ATP4A: variants seen among roughly 807,000 people sequenced by gnomAD.
ATP4A encodes the protein ATPase H+/K+ transporting subunit alpha.
Under a neutral mutation model 112.1 loss-of-function variants are expected in ATP4A, and 73 were observed. The observed-to-expected ratio is 0.65, with a 90% CI of 0.54 to 0.79. The LOEUF is 0.79. ATP4A is among the 30% of genes least tolerant of loss of function. The pLI, the probability that ATP4A is intolerant of heterozygous loss-of-function variation, is 0.00. For missense variants in ATP4A, 1,081 were observed against 1,425.9 expected, an observed-to-expected ratio of 0.76 and a Z score of 3.90; for synonymous variants, 588 against 588.9, an observed-to-expected ratio of 1.00 and a Z score of 0.02.
In ATP4A at chr19:35,557,303, G is replaced by T. The variant is rs888118135; in HGVS notation, c.1694-215C>A. Among the ~76,000 whole-genome samples, 1 of 152,182 alleles carries T rather than the reference G, an allele frequency of 6.6e-6. No individual in the cohort carries two copies. Among genetic ancestry groups the T allele is most frequent in the African/African-American group, 2.4e-5 (1 of 41,434 alleles). On this transcript the variant is annotated intron_variant, in intron 11 of 21. Transcript: ENST00000262623. This position sits in a 1 kb window ranked among gnomAD's most constrained non-coding sequence, Gnocchi z 4.4. ...AGATGAGGAAACTGAGGCTCAGAGA[G>T]GGGACATTTCTTGCCAGAGGTCACA...
rs1658447113 is a variant in ATP4A, at chr19:35,555,554, C to T, written c.2043G>A (p.Leu681=). 6.3e-7 allele frequency: 1 copy of T among 1,590,330 alleles called. No homozygotes were observed. The highest frequency in any genetic ancestry group is 8.6e-7 in the Non-Finnish European group (1 of 1,163,410). ...ARACVINGMQ[L]KDMDPSELVE... ...CCAGTTCCGATGGGTCCATGTCCTT[C>T]AGCTGCATGCCATTGATCACACAGG... is the stretch of plus-strand genomic sequence containing the variant. Residue 681 remains leucine, a synonymous_variant, in exon 14 of 22, where the codon CTG becomes CTA. Coordinates refer to ENST00000262623, the MANE Select transcript of ATP4A (RefSeq NM_000704.3). This position sits in a 1 kb window ranked among gnomAD's most constrained non-coding sequence, Gnocchi z 6.6.
Position 35,550,128 on chromosome 19 carries a change from TGTACAG to T in ATP4A, c.*481_*486del, listed in dbSNP as rs1442355759. On this transcript the variant is annotated 3_prime_UTR_variant, in exon 22 of 22. Coordinates refer to ENST00000262623, the MANE Select transcript of ATP4A (RefSeq NM_000704.3). This position sits in a 1 kb window ranked among gnomAD's most constrained non-coding sequence, Gnocchi z 4.1. ...TGCAGCCCTGGATAAACAGCCCCCA[TGTACAG>T]GACTGTGGGAGATCACAAGCACTAA... The T allele has an allele frequency of 7.1e-5, 13 of 183,330 alleles. No individual in the cohort carries two copies. Among genetic ancestry groups the T allele is most frequent in the Non-Finnish European group, 1.5e-4 (13 of 85,986 alleles). The allele number at this position is 183,330 out of a possible 1,614,324, so 11.4% of individuals were successfully genotyped here. A position where few individuals can be genotyped will look rare whatever the true frequency, so the allele number is the denominator to read the frequency against.
Position 35,563,516 on chromosome 19 carries a change from C to G in ATP4A, c.24G>C (p.Glu8Asp). The change falls in exon 2 of 22, where the codon GAG (glutamate) becomes GAC (aspartate). Residue 8 changes from glutamate (E) to aspartate (D), a missense_variant. Coordinates refer to ENST00000262623, the MANE Select transcript of ATP4A (RefSeq NM_000704.3). MGKAENYELYSVELGPGP... is the reference protein window; with the variant it reads MGKAENYDLYSVELGPGP... ...CAGGACCCAGCTCCACCGAGTAGAG[C>G]TCATAGTTCTCCTGGGAATGGACAG... 1 of 1,614,060 alleles carries G rather than the reference C, an allele frequency of 6.2e-7. No homozygotes were observed. Among genetic ancestry groups the G allele is most frequent in the African/African-American group, 1.3e-5 (1 of 74,988 alleles).
chr19:35,555,709 C>T lies in ATP4A; in HGVS notation c.1973G>A (p.Arg658His), dbSNP rs898108443. Residue 658 changes from arginine to histidine, a missense_variant, in exon 13 of 22, where the codon CGC (arginine) becomes CAC (histidine). Physicochemically the swap from Arg to His is conservative, Grantham distance 29 (BLOSUM62 0). Coordinates refer to ENST00000262623, the MANE Select transcript of ATP4A (RefSeq NM_000704.3). The surrounding 1 kb of genome is among the most constrained non-coding windows in gnomAD (Gnocchi z 6.6). ...AACCTGGTCTACGGGCACACGGAGGCGGGCAGCGATGTCCTCCACTGTCTC... is the reference window on the plus strand; with the variant it reads ...AACCTGGTCTACGGGCACACGGAGGTGGGCAGCGATGTCCTCCACTGTCTC... ...GSETVEDIAARLRVPVDQVNR... is the reference protein window; with the variant it reads ...GSETVEDIAAHLRVPVDQVNR... The T allele has an allele frequency of 2.7e-5, 43 of 1,609,752 alleles. No homozygotes were observed. Among genetic ancestry groups the T allele is most frequent in the South Asian group, 3.3e-5 (3 of 90,988 alleles).
Position 35,562,479 on chromosome 19 carries a change from AG to A in ATP4A, c.375del (p.Phe126LeufsTer79). The A allele has an allele frequency of 1.9e-6, 3 of 1,614,098 alleles. No individual in the cohort carries two copies. The highest frequency in any genetic ancestry group is 2.5e-6 in the Non-Finnish European group (3 of 1,180,006). On this transcript the variant is annotated frameshift_variant, in exon 4 of 22. Coordinates refer to ENST00000262623, the MANE Select transcript of ATP4A (RefSeq NM_000704.3). LOFTEE classifies it high-confidence loss of function. ...MWVAAAICLIAFAIQASEGDL... is the reference protein window; with the variant it reads ...MWVAAAICLIXFAIQASEGDL... Reference sequence around the variant, plus strand: ...TCCCCCTCACTAGCCTGGATGGCAAAGGCGATGAGGCAGATGGCGGCGGCAA... The same window carrying A: ...TCCCCCTCACTAGCCTGGATGGCAAAGCGATGAGGCAGATGGCGGCGGCAA...
In ATP4A at chr19:35,555,145, TC is replaced by T. The variant is rs779298671; in HGVS notation, c.2326+20del. ...CCTCCTGTGCCCACACTGCCTGCCC[TC>T]CCCCTGGCGTGGCTCGGACCCTGCT... On this transcript the variant is annotated intron_variant, in intron 15 of 21. Transcript: ENST00000262623. This position sits in a 1 kb window ranked among gnomAD's most constrained non-coding sequence, Gnocchi z 6.6. 2 of 1,613,838 alleles carry T rather than the reference TC, an allele frequency of 1.2e-6. No individual in the cohort carries two copies. Among genetic ancestry groups the T allele is most frequent in the South Asian group, 1.1e-5 (1 of 91,058 alleles).
intron 4 of ATP4A, among the ~76,000 whole-genome samples, chr19:35,562,215 C>T (rs2071674973): frequency 6.6e-6 from 1 of 152,114 alleles, no homozygotes; most frequent in South Asian, 2.1e-4. Context: ...ACCTATGTCC[C>T]CATACCCAAG....
rs1196245826 is a variant in ATP4A, at chr19:35,551,544, A to T, written c.2788T>A (p.Tyr930Asn). ...TCAATGCTGATGAAGAACACGGTGTAGCAGGTGTACTGCTGGTACAGGCGC... is the reference window on the plus strand; with the variant it reads ...TCAATGCTGATGAAGAACACGGTGTTGCAGGTGTACTGCTGGTACAGGCGC... ...GQRLYQQYTC[Y>N]TVFFISIEVC... is the part of the protein sequence containing the mutation. The change falls in exon 19 of 22, where the codon TAC (tyrosine) becomes AAC (asparagine). Residue 930 changes from tyrosine (Y) to asparagine (N), a missense_variant. Tyr to Asn is a moderately radical substitution (Grantham distance 143). Around this residue, in one of 3 missense-constraint regions of ATP4A, gnomAD observed 219 missense variants for 320.9 expected, o/e 0.68. Coordinates refer to ENST00000262623, the MANE Select transcript of ATP4A (RefSeq NM_000704.3). This position sits in a 1 kb window ranked among gnomAD's most constrained non-coding sequence, Gnocchi z 5.2. The T allele has an allele frequency of 6.2e-7, 1 of 1,613,916 alleles. No homozygotes were observed. Among genetic ancestry groups the T allele is most frequent in the Admixed American group, 1.7e-5 (1 of 59,994 alleles).
Position 35,554,752 on chromosome 19 carries a change from G to C in ATP4A, c.2481+170C>G, listed in dbSNP as rs540454304. 3.3e-5 allele frequency among the ~76,000 whole-genome samples: 5 copies of C among 152,276 alleles called. No homozygotes were observed. The South Asian group carries it at 1.0e-3, about 32-fold the overall frequency. On this transcript the variant is annotated intron_variant, in intron 16 of 21. Coordinates refer to ENST00000262623, the MANE Select transcript of ATP4A (RefSeq NM_000704.3). ...CATGGCTGTATGTCCATTTAGGTCT[G>C]TTCACCTGCCTGCCACCCATGTGTC...
In ATP4A at chr19:35,555,231, T is replaced by C; in HGVS notation, c.2261A>G (p.Lys754Arg). 6.2e-7 allele frequency: 1 copy of C among 1,614,206 alleles called. No individual in the cohort carries two copies. The highest frequency in any genetic ancestry group is 8.5e-7 in the Non-Finnish European group (1 of 1,180,032). The change falls in exon 15 of 22, where the codon AAA becomes AGA. Residue 754 changes from lysine (K) to arginine (R), a missense_variant. Lys to Arg is a conservative substitution (Grantham distance 26). This residue lies in a region of ATP4A where 850 missense variants were observed against 1,068.2 expected (regional missense o/e 0.80). Coordinates refer to ENST00000262623, the MANE Select transcript of ATP4A (RefSeq NM_000704.3). This position sits in a 1 kb window ranked among gnomAD's most constrained non-coding sequence, Gnocchi z 6.6. ...AMGIAGSDAAKNAADMILLDD... is the reference protein window; with the variant it reads ...AMGIAGSDAARNAADMILLDD... Reference sequence around the variant, plus strand: ...CAGCAGGATCATGTCAGCTGCATTTTTGGCAGCATCTGAGCCAGCGATGCC... The same window carrying C: ...CAGCAGGATCATGTCAGCTGCATTTCTGGCAGCATCTGAGCCAGCGATGCC...
Position 35,555,780 on chromosome 19 carries a change from G to C in ATP4A, c.1902C>G (p.Thr634=), listed in dbSNP as rs372060721. 7 of 1,613,368 alleles carry C rather than the reference G, an allele frequency of 4.3e-6. No homozygotes were observed. The highest frequency in any genetic ancestry group is 1.3e-5 in the African/African-American group (1 of 75,028). Residue 634 remains threonine (T), a synonymous_variant, in exon 13 of 22, where the codon ACC becomes ACG. Coordinates refer to ENST00000262623, the MANE Select transcript of ATP4A (RefSeq NM_000704.3). This position sits in a 1 kb window ranked among gnomAD's most constrained non-coding sequence, Gnocchi z 6.6. ...CCACACTGGCTGCAATGGCCTTGGC[G>C]GTGATGGGGTGGTCACCCGTTACCA... The part of the protein sequence containing the change: ...VIMVTGDHPI[T]AKAIAASVGI...
rs960810974 is a variant in ATP4A at position 35,553,555 on chromosome 19, C to T, written c.2605+151G>A. On this transcript the variant is annotated intron_variant, in intron 17 of 21. Transcript: ENST00000262623. ...GCAGAACCAGAGAGACTGTCACAAA[C>T]AGAGAGGGACACGGAGGACAACGGA... 4.1e-6 allele frequency: 5 copies of T among 1,209,272 alleles called. No homozygotes were observed. The Admixed American group carries it at 8.2e-5, about 20-fold the overall frequency. 74.9% of individuals were successfully genotyped at this position (1,209,272 alleles called of 1,614,324 possible).
rs996589833 is a variant in ATP4A, at chr19:35,555,497, C to T, written c.2100G>A (p.Val700=). The T allele has an allele frequency of 2.5e-6, 4 of 1,609,414 alleles. No homozygotes were observed. The highest frequency in any genetic ancestry group is 2.5e-6 in the Non-Finnish European group (3 of 1,177,218). Residue 700 remains valine, a synonymous_variant, in exon 14 of 22, where the codon GTG becomes GTA. Transcript: ENST00000262623. The surrounding 1 kb of genome is among the most constrained non-coding windows in gnomAD (Gnocchi z 6.6). The part of the protein sequence containing the change: ...VEALRTHPEM[V]FARTSPQQKL... Reference sequence around the variant, plus strand: ...TCTGCTGGGGGCTGGTGCGCGCAAACACCATCTCGGGGTGGGTGCGCAGGG... The same window carrying T: ...TCTGCTGGGGGCTGGTGCGCGCAAATACCATCTCGGGGTGGGTGCGCAGGG...
At chr19:35,561,434 C>A (rs547326638) in intron 4 of ATP4A, among the ~76,000 whole-genome samples, 1 of 152,066 alleles carries the variant, frequency 6.6e-6, no homozygotes, top group African/African-American at 2.4e-5. Context: ...CCCGTCCCTG[C>A]GTGTGCTGCA....
rs199835478 is a variant in ATP4A at position 35,559,819 on chromosome 19, G to A, written c.1042C>T (p.Leu348=). 38 of 1,613,990 alleles carry A rather than the reference G, an allele frequency of 2.4e-5. No individual in the cohort carries two copies. In the East Asian group the frequency reaches 8.2e-4, roughly 35 times the overall value. Residue 348 remains leucine (L), a synonymous_variant, in exon 7 of 22, where the codon CTG becomes TTG. Coordinates refer to ENST00000262623, the MANE Select transcript of ATP4A (RefSeq NM_000704.3). The surrounding 1 kb of genome is among the most constrained non-coding windows in gnomAD (Gnocchi z 4.1). ...IVVAYVPEGL[L]ATVTVCLSLT... is the part of the protein sequence containing the mutation. ...CCCCCACTCACTGTGACAGTGGCCA[G>A]CAGCCCCTCAGGCACATAGGCCACC...
At chr19:35,552,077 C>T (rs549942708) in intron 18 of ATP4A, among the ~76,000 whole-genome samples, 303 of 152,174 alleles carry the variant, frequency 2.0e-3, no homozygotes, top group Non-Finnish European at 3.2e-3. Flanking sequence ...GATGGAATCT[C>T]GCTCTGTCAC....
chr19:35,550,436 T>C lies in ATP4A; in HGVS notation c.*179A>G. 2.6e-6 allele frequency: 2 copies of C among 762,264 alleles called. No individual in the cohort carries two copies. Among genetic ancestry groups the C allele is most frequent in the East Asian group, 2.7e-5 (1 of 36,534 alleles). The allele number at this position is 762,264 out of a possible 1,614,324, so 47.2% of individuals were successfully genotyped here. ...CTCCAGGAGGTGCGAACCTTGGGAA[T>C]GGGGGAGGGGAGTGGGCAGGTCCCT... On this transcript the variant is annotated 3_prime_UTR_variant, in exon 22 of 22. Coordinates refer to ENST00000262623, the MANE Select transcript of ATP4A (RefSeq NM_000704.3). This position sits in a 1 kb window ranked among gnomAD's most constrained non-coding sequence, Gnocchi z 4.1.
At position 35,558,325 on chromosome 19, in the gene ATP4A, G is replaced by A. The variant is rs767606928; in HGVS notation, c.1500+37C>T. ...TGTGGCCTGGGGCGGGGCCCGAGGT[G>A]GGCGGGCCCAGGCCGTGGGCGGGGC... On this transcript the variant is annotated intron_variant, in intron 10 of 21. Coordinates refer to ENST00000262623, the MANE Select transcript of ATP4A (RefSeq NM_000704.3). The surrounding 1 kb of genome is among the most constrained non-coding windows in gnomAD (Gnocchi z 5.1). 6.3e-7 allele frequency: 1 copy of A among 1,584,012 alleles called. No homozygotes were observed. Among genetic ancestry groups the A allele is most frequent in the Non-Finnish European group, 8.6e-7 (1 of 1,165,256 alleles).
Position 35,558,495 on chromosome 19 carries a change from C to T in ATP4A, c.1367G>A (p.Arg456His), listed in dbSNP as rs373619391. ...CTCCGATGCGTCTCCAATCACGATG[C>T]GCTGGGAGCGGGGACCGGTGTCAGG... The part of the protein sequence containing the change: ...SGQDAVPVPK[R>H]IVIGDASETA... Residue 456 changes from arginine to histidine, a missense_variant and splice_region_variant, in exon 10 of 22, where the codon CGC (arginine) becomes CAC (histidine). Physicochemically the swap from Arg to His is conservative, Grantham distance 29. Around this residue, in one of 3 missense-constraint regions of ATP4A, gnomAD observed 850 missense variants for 1,068.2 expected, o/e 0.80. Transcript: ENST00000262623. The surrounding 1 kb of genome is among the most constrained non-coding windows in gnomAD (Gnocchi z 5.1). 1.8e-5 allele frequency: 29 copies of T among 1,593,996 alleles called. No homozygotes were observed. Among genetic ancestry groups the T allele is most frequent in the Non-Finnish European group, 2.3e-5 (27 of 1,171,182 alleles).
Sources: allele counts gnomAD v4.1 joint callset (sites outside exome capture counted in the v4.1 genomes callset), GRCh38; gene constraint gnomAD v4.1.1; regional missense constraint gnomAD v4.1.1; non-coding constraint Gnocchi (gnomAD v3.1); transcripts MANE v1.5; gene names NCBI Gene and HGNC (gene_info 2026-07-23, HGNC 2026-07-21).